MEIS2: variants seen among roughly 807,000 people sequenced by gnomAD.
MEIS2 encodes Meis homeobox 2, also known as homeobox protein Meis2.
MEIS2 carries 9 observed loss-of-function variants against 58.6 expected under a neutral mutation model. The observed-to-expected ratio is 0.15, with a 90% confidence interval of 0.09 to 0.27. MEIS2 has a LOEUF of 0.27. MEIS2 is among the 10% of genes least tolerant of loss of function. The pLI, the probability that MEIS2 is intolerant of heterozygous loss-of-function variation, is 1.00. For synonymous variants in MEIS2, 221 were observed against 228.4 expected (o/e 0.97, Z 0.29); for missense variants, 427 against 635.0 (o/e 0.67, Z 3.52).
At chr15:37,012,730 C>T (rs1428506325) in intron 8 of MEIS2, among the ~76,000 whole-genome samples, 1 of 152,076 alleles carries the variant, frequency 6.6e-6, no homozygotes, top group Non-Finnish European at 1.5e-5. Context: ...TGTACAAATT[C>T]AATTACATTA....
chr15:36,940,420 TC>T (rs1480209274), intron 9 of MEIS2, among the ~76,000 whole-genome samples: 2 of 152,138 alleles, frequency 1.3e-5, no homozygotes. Context: ...GTCTCGCTCC[TC>T]CCTGCACACC....
intron 8 of MEIS2, among the ~76,000 whole-genome samples, chr15:37,008,544 C>A (rs1182686936): frequency 6.6e-6 from 1 of 152,112 alleles, no homozygotes; most frequent in African/African-American, 2.4e-5. Context: ...CTCAATTTTC[C>A]TATAATATTT....
intron 9 of MEIS2, among the ~76,000 whole-genome samples, chr15:36,912,470 C>T (rs1314436511): frequency 6.6e-6 from 1 of 152,186 alleles, no homozygotes; most frequent in Non-Finnish European, 1.5e-5. Flanking sequence ...ATACTTGCAA[C>T]ACTTTCACAT....
chr15:37,087,911 A>G (rs1893081259), intron 6 of MEIS2, among the ~76,000 whole-genome samples: 1 of 152,206 alleles, frequency 6.6e-6, no homozygotes, highest in South Asian at 2.1e-4. Flanking sequence ...TAAATACAAA[A>G]CTGAATGGAG....
At chr15:36,995,956 G>GATAT (rs539738718) in intron 8 of MEIS2, among the ~76,000 whole-genome samples, 21 of 112,794 alleles carry the variant, frequency 1.9e-4, no homozygotes, top group Admixed American at 4.8e-4. Flanking sequence ...TCTAGTCTGA[G>GATAT]ATATATATAT....
At chr15:36,995,344 A>G (rs2141571192) in intron 8 of MEIS2, among the ~76,000 whole-genome samples, 1 of 152,280 alleles carries the variant, frequency 6.6e-6, no homozygotes, top group African/African-American at 2.4e-5. Flanking sequence ...TTCTAATTGC[A>G]TGCCACTTCA....
rs538157987 is a variant in MEIS2, at chr15:37,075,659, C to T, written c.754+8112G>A. Among the ~76,000 whole-genome samples, 270 of 152,044 alleles carry T rather than the reference C, an allele frequency of 1.8e-3. 1 individual carries two copies. The highest frequency in any genetic ancestry group is 6.0e-3 in the African/African-American group (247 of 41,462). ...AGATAATCGAAGAAGTGATAATCTG[C>T]ACCTTGGAAAAGCAGGGAGAGAGAG... On this transcript the variant is annotated intron_variant, in intron 7 of 11. Transcript: ENST00000561208.
At chr15:37,031,711 C>T (rs1346739534) in intron 8 of MEIS2, among the ~76,000 whole-genome samples, 4 of 151,958 alleles carry the variant, frequency 2.6e-5, no homozygotes, top group African/African-American at 7.3e-5. Context: ...TCTCCCCAAC[C>T]CCCAGAGATA....
chr15:37,002,291 C>T (rs1386796868), intron 8 of MEIS2, among the ~76,000 whole-genome samples: 2 of 150,892 alleles, frequency 1.3e-5, no homozygotes, highest in Admixed American at 6.6e-5. Context: ...CAAAGTTCTC[C>T]CTCCTCCTCC....
intron 9 of MEIS2, among the ~76,000 whole-genome samples, chr15:36,906,111 T>TA (rs2056722168): frequency 6.6e-6 from 1 of 152,150 alleles, no homozygotes; most frequent in Admixed American, 6.5e-5. Context: ...CAAGGGAGGA[T>TA]AAAGGAATTG....
chr15:36,895,349 G>A (rs559300243), intron 10 of MEIS2, 88 bp from the exon 11 acceptor site: 24 of 1,148,544 alleles, frequency 2.1e-5, no homozygotes, highest in South Asian at 6.8e-5. Context: ...GCACTGAAAC[G>A]TTATAGCAAC....
chr15:37,049,994 T>C (rs1245463861), intron 7 of MEIS2, among the ~76,000 whole-genome samples: 1 of 152,162 alleles, frequency 6.6e-6, no homozygotes, highest in African/African-American at 2.4e-5. Context: ...GCAATAGATA[T>C]TATGCTGCTT....
chr15:36,921,066 T>A (rs2057489421), intron 9 of MEIS2, among the ~76,000 whole-genome samples: 1 of 152,256 alleles, frequency 6.6e-6, no homozygotes, highest in East Asian at 1.9e-4. Context: ...ATCTAGTAAA[T>A]TCTCCATTTG....
At chr15:36,946,723 C>T (rs1039342316) in intron 9 of MEIS2, among the ~76,000 whole-genome samples, 3 of 151,932 alleles carry the variant, frequency 2.0e-5, no homozygotes, top group Non-Finnish European at 4.4e-5. Flanking sequence ...AGTCTTACAA[C>T]TATATGAGAT....
intron 8 of MEIS2, among the ~76,000 whole-genome samples, chr15:37,022,449 A>G (rs1325537715): frequency 6.6e-6 from 1 of 152,076 alleles, no homozygotes; most frequent in African/African-American, 2.4e-5. Flanking sequence ...GAGTGTCACT[A>G]TGTTCCCCAG....
At chr15:36,931,936 C>G (rs1261302713) in intron 9 of MEIS2, among the ~76,000 whole-genome samples, 1 of 152,120 alleles carries the variant, frequency 6.6e-6, no homozygotes, top group African/African-American at 2.4e-5. Context: ...TCAGACATTT[C>G]ACAAAGAGGG....
At chr15:37,024,799 C>G (rs2061644944) in intron 8 of MEIS2, among the ~76,000 whole-genome samples, 1 of 152,136 alleles carries the variant, frequency 6.6e-6, no homozygotes, top group Admixed American at 6.5e-5. Flanking sequence ...ACCAGCTTGA[C>G]CAGGATGAAA....
intron 6 of MEIS2, among the ~76,000 whole-genome samples, chr15:37,090,583 A>G (rs1893391503): frequency 6.6e-6 from 1 of 152,180 alleles, no homozygotes; most frequent in African/African-American, 2.4e-5. Context: ...TACTGAAACT[A>G]TATTGGTACC....
intron 8 of MEIS2, among the ~76,000 whole-genome samples, chr15:37,018,748 C>T (rs886085146): frequency 5.3e-5 from 8 of 152,164 alleles, no homozygotes; most frequent in Admixed American, 3.3e-4. Flanking sequence ...AAACTCATGA[C>T]ATCAAGATGG....
Sources: allele counts gnomAD v4.1 joint callset (sites outside exome capture counted in the v4.1 genomes callset), GRCh38; gene constraint gnomAD v4.1.1; transcripts MANE v1.5; gene names NCBI Gene and HGNC (gene_info 2026-07-23, HGNC 2026-07-21).